CRPPA: variants seen among roughly 807,000 people sequenced by gnomAD.
CRPPA encodes CDP-L-ribitol pyrophosphorylase A.
In CRPPA, 43 loss-of-function variants were observed where a neutral mutation model predicts 52.0. That is an observed-to-expected ratio of 0.83 (90% confidence interval 0.65 to 1.07). The LOEUF (loss-of-function observed/expected upper bound fraction) is 1.07. Among genes scored for constraint, CRPPA ranks in the 50% least tolerant of loss-of-function variants. CRPPA has a pLI of 0.00. For missense variants in CRPPA, 629 were observed against 551.7 expected (o/e 1.14, Z -1.40); for synonymous variants, 250 against 203.5 (o/e 1.23, Z -1.94).
chr7:16,382,486 T>C (rs953039951), intron 2 of CRPPA, among the ~76,000 whole-genome samples: 38 of 152,266 alleles, frequency 2.5e-4, no homozygotes, highest in African/African-American at 8.7e-4. Flanking sequence ...TTGCTCTTCT[T>C]GAGGAGTATC....
At chr7:16,210,147 T>C (rs534277766) in intron 9 of CRPPA, among the ~76,000 whole-genome samples, 183 of 152,362 alleles carry the variant, frequency 1.2e-3, no homozygotes, top group African/African-American at 4.0e-3. Context: ...CATATACATA[T>C]ATACATGTGT....
chr7:16,216,752 CCA>C (rs1162288260), intron 8 of CRPPA, among the ~76,000 whole-genome samples: 1 of 152,230 alleles, frequency 6.6e-6, no homozygotes, highest in East Asian at 1.9e-4. Context: ...AAACGGCGCA[CCA>C]CGAGATTATA....
At chr7:16,371,580 C>T (rs1230442033) in intron 3 of CRPPA, among the ~76,000 whole-genome samples, 1 of 150,418 alleles carries the variant, frequency 6.6e-6, no homozygotes, top group East Asian at 2.0e-4. Flanking sequence ...AATTCAAGAA[C>T]AATTTGAAGA....
chr7:16,393,020 A>G (rs1332403623), intron 2 of CRPPA, among the ~76,000 whole-genome samples: 4 of 152,156 alleles, frequency 2.6e-5, no homozygotes, highest in African/African-American at 7.2e-5. Flanking sequence ...AATAAGATAG[A>G]TCTTGTCAAG....
At position 16,421,312 on chromosome 7, in the gene CRPPA, C is replaced by T. The variant is rs1218351229; in HGVS notation, c.11G>A (p.Gly4Glu). The change falls in exon 1 of 10, where the codon GGG becomes GAG. Residue 4 changes from glycine to glutamate, a missense_variant. Transcript: ENST00000407010. MEA[G>E]PPGSARPAEP... ...CGCCGGCCTGGCGCTGCCCGGCGGC[C>T]CGGCCTCCATGGCTGCGGGCGGAAC... 3 of 1,259,708 alleles carry T rather than the reference C, an allele frequency of 2.4e-6. No homozygotes were observed. The highest frequency in any genetic ancestry group is 3.0e-6 in the Non-Finnish European group (3 of 998,376). The allele number at this position is 1,259,708 out of a possible 1,614,324, so 78.0% of individuals were successfully genotyped here.
At chr7:16,346,713 C>T (rs1375849200) in intron 3 of CRPPA, among the ~76,000 whole-genome samples, 2 of 152,064 alleles carry the variant, frequency 1.3e-5, no homozygotes, top group African/African-American at 4.8e-5. Flanking sequence ...GGCTTTGTCA[C>T]AAGGCTTACT....
In CRPPA at chr7:16,107,553, A is replaced by T. The variant is rs114718530; in HGVS notation, c.1252-15754T>A. Among the ~76,000 whole-genome samples, 462 of 152,284 alleles carry T rather than the reference A, an allele frequency of 3.0e-3. 2 individuals carry two copies. Among genetic ancestry groups the T allele is most frequent in the African/African-American group, 0.011 (448 of 41,578 alleles). On this transcript the variant is annotated intron_variant, in intron 9 of 9. Transcript: ENST00000407010. ...ATTTCAGAAATGAAGGAGAAATAAG[A>T]AGTTTCTCATAAAATAAAAGCAAAG...
chr7:16,110,777 C>T (rs908073769), intron 9 of CRPPA, among the ~76,000 whole-genome samples: 1 of 151,886 alleles, frequency 6.6e-6, no homozygotes, highest in African/African-American at 2.4e-5. Context: ...TAATCTCACA[C>T]CATATATAAA....
intron 3 of CRPPA, among the ~76,000 whole-genome samples, chr7:16,329,331 C>T (rs1785494835): frequency 6.6e-6 from 1 of 152,106 alleles, no homozygotes; most frequent in Non-Finnish European, 1.5e-5. Flanking sequence ...GAAGAAACAG[C>T]ACATTCAAAT....
intron 3 of CRPPA, among the ~76,000 whole-genome samples, chr7:16,369,747 G>A (rs1252744078): frequency 6.6e-6 from 1 of 152,198 alleles, no homozygotes; most frequent in Non-Finnish European, 1.5e-5. Context: ...AGAATAGGGG[G>A]TAGAGATTCA....
At chr7:16,126,522 A>C (rs767960983) in intron 9 of CRPPA, among the ~76,000 whole-genome samples, 3 of 152,218 alleles carry the variant, frequency 2.0e-5, no homozygotes, top group Admixed American at 6.5e-5. Flanking sequence ...ATATTCAAAG[A>C]AAGTGTTGGT....
chr7:16,111,047 T>G (rs1018534234), intron 9 of CRPPA, among the ~76,000 whole-genome samples: 8 of 152,024 alleles, frequency 5.3e-5, no homozygotes, highest in Non-Finnish European at 7.4e-5. Context: ...TTTAAAATAT[T>G]TAAGTAGCTC....
intron 2 of CRPPA, among the ~76,000 whole-genome samples, chr7:16,391,881 T>C (rs1787455079): frequency 1.3e-5 from 2 of 152,130 alleles, no homozygotes; most frequent in African/African-American, 2.4e-5. Flanking sequence ...AGTCAAAGTG[T>C]CACTAGGTAA....
intron 5 of CRPPA, among the ~76,000 whole-genome samples, chr7:16,299,096 G>A (rs1486904173): frequency 1.3e-5 from 2 of 152,124 alleles, no homozygotes; most frequent in Non-Finnish European, 2.9e-5. Context: ...TACTGGTTCT[G>A]TTTCTCTAAA....
chr7:16,149,848 TG>T (rs1042891886), intron 9 of CRPPA, among the ~76,000 whole-genome samples: 18 of 151,876 alleles, frequency 1.2e-4, no homozygotes, highest in Non-Finnish European at 2.2e-4. Flanking sequence ...TAGCCGAGCG[TG>T]GCAGCGGTCA....
At chr7:16,209,997 T>C (rs1782086565) in intron 9 of CRPPA, among the ~76,000 whole-genome samples, 1 of 152,180 alleles carries the variant, frequency 6.6e-6, no homozygotes, top group Non-Finnish European at 1.5e-5. Context: ...ATGATATAAT[T>C]GCACCAATGG....
chr7:16,346,283 A>G (rs1396608244), intron 3 of CRPPA, among the ~76,000 whole-genome samples: 1 of 152,180 alleles, frequency 6.6e-6, no homozygotes, highest in Admixed American at 6.5e-5. Context: ...AGAAATAAGT[A>G]CTATGACGGA....
chr7:16,242,092 C>G (rs1424599765), intron 8 of CRPPA, among the ~76,000 whole-genome samples: 1 of 150,638 alleles, frequency 6.6e-6, no homozygotes, highest in East Asian at 2.0e-4. Flanking sequence ...TGGGATGGAA[C>G]TACAGGCACC....
intron 8 of CRPPA, among the ~76,000 whole-genome samples, chr7:16,217,834 C>T (rs1159526229): frequency 0.01 from 1,578 of 151,344 alleles, 30 homozygotes; most frequent in African/African-American, 0.036. Context: ...CTGAAAGTGA[C>T]GGGGAGAATG....
Sources: allele counts gnomAD v4.1 joint callset (sites outside exome capture counted in the v4.1 genomes callset), GRCh38; gene constraint gnomAD v4.1.1; transcripts MANE v1.5; gene names NCBI Gene and HGNC (gene_info 2026-07-23, HGNC 2026-07-21).